FLNC: variants seen among roughly 807,000 people sequenced by gnomAD.
FLNC encodes filamin-C.
Under a neutral mutation model 254.3 loss-of-function variants are expected in FLNC, and 91 were observed. The ratio of observed to expected loss-of-function variants is 0.36; its 90% confidence interval spans 0.30 to 0.43. The LOEUF (loss-of-function observed/expected upper bound fraction) is 0.43, where lower values mean the gene tolerates loss of function less well. Among genes scored for constraint, FLNC ranks in the 20% least tolerant of loss-of-function variants. FLNC has a pLI of 1.00. For missense variants in FLNC, 2,853 were observed against 3,802.6 expected (o/e 0.75, Z 6.57); for synonymous variants, 1,430 against 1,577.2 (o/e 0.91, Z 2.21).
intron 9 of FLNC, 86 bp from the exon 10 acceptor site, chr7:128,840,462 C>T (rs761952755): frequency 3.8e-6 from 6 of 1,595,086 alleles, no homozygotes; most frequent in South Asian, 3.3e-5. Context: ...GGGTCGGGGT[C>T]CCAATGGCTC....
chr7:128,845,186 C>A lies in FLNC; in HGVS notation c.3721C>A (p.Arg1241Ser). 1 of 1,613,964 alleles carries A rather than the reference C, an allele frequency of 6.2e-7. No homozygotes were observed. The highest frequency in any genetic ancestry group is 8.5e-7 in the Non-Finnish European group (1 of 1,180,046). The change falls in exon 21 of 48, where the codon CGT becomes AGT. Residue 1241 changes from arginine to serine, a missense_variant. Physicochemically the swap from Arg to Ser is moderately radical, Grantham distance 110 (BLOSUM62 -1). Coordinates refer to ENST00000325888, the MANE Select transcript of FLNC (RefSeq NM_001458.5). The part of the protein sequence containing the change: ...GGHPVPKFPT[R>S]VHVQPAVDTS... ...GCATCCCGTGCCCAAATTCCCCACCCGTGTCCATGTGCAGCCTGCGGTCGA... is the reference window on the plus strand; with the variant it reads ...GCATCCCGTGCCCAAATTCCCCACCAGTGTCCATGTGCAGCCTGCGGTCGA...
rs1006204795 is a variant in FLNC, at chr7:128,838,303, A to G, written c.1084A>G (p.Ser362Gly). 2 of 1,614,090 alleles carry G rather than the reference A, an allele frequency of 1.2e-6. No individual in the cohort carries two copies. The highest frequency in any genetic ancestry group is 1.7e-6 in the Non-Finnish European group (2 of 1,180,006). ...CTTTGCTGGCCAGAACATTGAACGC[A>G]GTCCCTTTGAGGTGAACGTGGGCAT... The part of the protein sequence containing the change: ...VLFAGQNIER[S>G]PFEVNVGMAL... The change falls in exon 7 of 48, where the codon AGT (serine) becomes GGT (glycine). Residue 362 changes from serine (S) to glycine (G), a missense_variant. Around this residue, in one of 10 missense-constraint regions of FLNC, gnomAD observed 1,573 missense variants for 1,883.5 expected, o/e 0.84. Coordinates refer to ENST00000325888, the MANE Select transcript of FLNC (RefSeq NM_001458.5).
chr7:128,858,984 AC>A lies in FLNC; in HGVS notation c.*462del, dbSNP rs1438646623. The A allele has an allele frequency of 1.1e-5, 2 of 186,876 alleles. No individual in the cohort carries two copies. Among genetic ancestry groups the A allele is most frequent in the Non-Finnish European group, 2.3e-5 (2 of 87,958 alleles). 11.6% of individuals were successfully genotyped at this position (186,876 alleles called of 1,614,324 possible). A position where few individuals can be genotyped will look rare whatever the true frequency, so the allele number is the denominator to read the frequency against. On this transcript the variant is annotated 3_prime_UTR_variant, in exon 48 of 48. Transcript: ENST00000325888. The surrounding 1 kb of genome is among the most constrained non-coding windows in gnomAD (Gnocchi z 6.7). Reference sequence around the variant, plus strand: ...TGGCTACAACCCCAGAGTTTTAAGGACTTGGAAAGGAAAGCACAATCAGAGA... The same window carrying A: ...TGGCTACAACCCCAGAGTTTTAAGGATTGGAAAGGAAAGCACAATCAGAGA...
chr7:128,848,443 C>A, intron 26 of FLNC, 118 bp from the exon 27 acceptor site: 1 of 1,110,268 alleles, frequency 9.0e-7, no homozygotes, highest in Non-Finnish European at 1.4e-6. Flanking sequence ...CTCCTCCCTG[C>A]CCCACAGTCC....
Position 128,843,444 on chromosome 7 carries a change from T to C in FLNC, c.2678T>C (p.Leu893Pro). The change falls in exon 18 of 48, where the codon CTG becomes CCG. Residue 893 changes from leucine (L) to proline (P), a missense_variant. Transcript: ENST00000325888. Reference sequence around the variant, plus strand: ...GGGAAGCCCACCCACTTCACGGTGCTGACCAAGGGAGCCGGCAAGGCCAAG... The same window carrying C: ...GGGAAGCCCACCCACTTCACGGTGCCGACCAAGGGAGCCGGCAAGGCCAAG... ...EVGKPTHFTV[L>P]TKGAGKAKLD... 6.2e-7 allele frequency: 1 copy of C among 1,614,158 alleles called. No homozygotes were observed. Among genetic ancestry groups the C allele is most frequent in the East Asian group, 2.2e-5 (1 of 44,882 alleles).
rs1807840508 is a variant in FLNC, at chr7:128,830,519, T to C, written c.-119T>C. 1.4e-5 allele frequency: 12 copies of C among 848,372 alleles called. No homozygotes were observed. Among genetic ancestry groups the C allele is most frequent in the Admixed American group, 5.0e-5 (2 of 40,186 alleles). The allele number at this position is 848,372 out of a possible 1,614,324, so 52.6% of individuals were successfully genotyped here. A position where few individuals can be genotyped will look rare whatever the true frequency, so the allele number is the denominator to read the frequency against. On this transcript the variant is annotated 5_prime_UTR_variant, in exon 1 of 48. Transcript: ENST00000325888. ...CCCGCCAGCCCCGGCGCGAGAGAAG[T>C]TGGAGAGGAGAGCAGCGCAGCGCAG...
In FLNC at chr7:128,842,930, C is replaced by G. The variant is rs750927692; in HGVS notation, c.2526C>G (p.Thr842=). The G allele has an allele frequency of 1.2e-6, 2 of 1,614,008 alleles. No homozygotes were observed. The highest frequency in any genetic ancestry group is 1.7e-6 in the Non-Finnish European group (2 of 1,180,024). The change falls in exon 16 of 48, where the codon ACC becomes ACG. Residue 842 remains threonine, a synonymous_variant. Transcript: ENST00000325888. The surrounding 1 kb of genome is among the most constrained non-coding windows in gnomAD (Gnocchi z 5.4). The part of the protein sequence containing the change: ...KYTPPGAGRY[T]IMVLFANQEI... ...CGCCACCAGGGGCGGGCCGCTACACCATCATGGTGCTGTTTGCCAACCAGG... is the reference window on the plus strand; with the variant it reads ...CGCCACCAGGGGCGGGCCGCTACACGATCATGGTGCTGTTTGCCAACCAGG...
In FLNC at chr7:128,858,805, C is replaced by A. The variant is rs367991983; in HGVS notation, c.*282C>A. 4.0e-6 allele frequency: 2 copies of A among 504,990 alleles called. No homozygotes were observed. The highest frequency in any genetic ancestry group is 3.6e-6 in the Non-Finnish European group (1 of 276,866). The allele number at this position is 504,990 out of a possible 1,614,324, so 31.3% of individuals were successfully genotyped here. On this transcript the variant is annotated 3_prime_UTR_variant, in exon 48 of 48. Transcript: ENST00000325888. This position sits in a 1 kb window ranked among gnomAD's most constrained non-coding sequence, Gnocchi z 6.7. ...CAGAGGCTGGGACACAAGGGGCTGG[C>A]GAGGGCTGCGAGGCCAGGGAAGCCC...
Position 128,856,282 on chromosome 7 carries a change from G to A in FLNC, c.7252-236G>A, listed in dbSNP as rs1232969946. ...TTCCTCAGCCAGGACAGGGCACATC[G>A]TCTGTCATCTCCCACACACCAAGCA... is the stretch of plus-strand genomic sequence containing the variant. On this transcript the variant is annotated intron_variant, in intron 43 of 47. Transcript: ENST00000325888. This position sits in a 1 kb window ranked among gnomAD's most constrained non-coding sequence, Gnocchi z 5.9. Among the ~76,000 whole-genome samples, 7 of 152,202 alleles carry A rather than the reference G, an allele frequency of 4.6e-5. No homozygotes were observed. Among genetic ancestry groups the A allele is most frequent in the Admixed American group, 3.9e-4 (6 of 15,286 alleles).
chr7:128,843,617 G>T lies in FLNC; in HGVS notation c.2811+40G>T, dbSNP rs554043933. On this transcript the variant is annotated intron_variant, in intron 18 of 47. Transcript: ENST00000325888. ...TCCCATGCTACCGCCCGGCCGGCCC[G>T]CCAGAGCCCTGGGTCTCCCTCCTCC... The T allele has an allele frequency of 1.9e-6, 3 of 1,610,360 alleles. No homozygotes were observed. The African/African-American group carries it at 4.0e-5, about 22-fold the overall frequency.
chr7:128,851,001 A>C, intron 33 of FLNC, 58 bp downstream of exon 33: 1 of 1,589,146 alleles, frequency 6.3e-7, no homozygotes, highest in Non-Finnish European at 8.6e-7. Context: ...CCGTAGCTTC[A>C]GTCCTGCCTT....
At position 128,835,535 on chromosome 7, in the gene FLNC, G is replaced by A; in HGVS notation, c.562G>A (p.Gly188Ser). The stretch of plus-strand genomic sequence containing the variant: ...CAACTTCAACCGTGACTGGCAGGAC[G>A]GCAAAGCTCTGGGCGCCCTGGTGGA... ...ITNFNRDWQD[G>S]KALGALVDNC... The change falls in exon 2 of 48, where the codon GGC becomes AGC. Residue 188 changes from glycine (G) to serine (S), a missense_variant. Transcript: ENST00000325888. The surrounding 1 kb of genome is among the most constrained non-coding windows in gnomAD (Gnocchi z 5.3). 6.2e-7 allele frequency: 1 copy of A among 1,613,568 alleles called. No homozygotes were observed.
chr7:128,837,924 A>G (rs1808165065), intron 5 of FLNC, 63 bp from the exon 6 acceptor site: 1 of 1,483,418 alleles, frequency 6.7e-7, no homozygotes, highest in Non-Finnish European at 9.4e-7. Flanking sequence ...TGCATAAGGC[A>G]CTGTGGGGTC....
rs1808188423 is a variant in FLNC at position 128,838,371 on chromosome 7, C to T, written c.1152C>T (p.Gly384=). The change falls in exon 7 of 48, where the codon GGC becomes GGT. Residue 384 remains glycine, a synonymous_variant. Coordinates refer to ENST00000325888, the MANE Select transcript of FLNC (RefSeq NM_001458.5). ...DANKVSARGP[G]LEPVGNVANK... is the part of the protein sequence containing the mutation. ...ACAAGGTGTCAGCCCGTGGCCCTGG[C>T]CTGGAACCTGTGGGCAATGTGGCCA... 1.9e-6 allele frequency: 3 copies of T among 1,614,068 alleles called. No individual in the cohort carries two copies. The highest frequency in any genetic ancestry group is 1.1e-5 in the South Asian group (1 of 91,078).
intron 7 of FLNC, 58 bp from the exon 8 acceptor site, chr7:128,838,545 G>T (rs1808198940): frequency 6.2e-7 from 1 of 1,607,324 alleles, no homozygotes; most frequent in East Asian, 2.2e-5. Flanking sequence ...CTCAGGGTGA[G>T]GGCACCGGGG....
At position 128,838,652 on chromosome 7, in the gene FLNC, G is replaced by A. The variant is rs759951101; in HGVS notation, c.1260G>A (p.Arg420=). ...TGGTGATCGTGGACCCACAGGGCCG[G>A]CGGGACACAGTGGAGGTGGCCCTGG... The part of the protein sequence containing the change: ...VAVVIVDPQG[R]RDTVEVALED... The change falls in exon 8 of 48, where the codon CGG becomes CGA. Residue 420 remains arginine, a synonymous_variant. Transcript: ENST00000325888. 1.1e-5 allele frequency: 18 copies of A among 1,612,970 alleles called. No individual in the cohort carries two copies. In the Admixed American group the frequency reaches 2.7e-4, roughly 24 times the overall value.
Position 128,830,636 on chromosome 7 carries a change from G to T in FLNC, c.-2G>T, listed in dbSNP as rs776836536. 6.2e-7 allele frequency: 1 copy of T among 1,611,948 alleles called. No homozygotes were observed. The highest frequency in any genetic ancestry group is 8.5e-7 in the Non-Finnish European group (1 of 1,179,496). ...CCGGCCGCACCCCCAGCCCGCGCCAGCATGATGAACAACAGCGGCTACTCA... is the reference window on the plus strand; with the variant it reads ...CCGGCCGCACCCCCAGCCCGCGCCATCATGATGAACAACAGCGGCTACTCA... On this transcript the variant is annotated 5_prime_UTR_variant, in exon 1 of 48. Coordinates refer to ENST00000325888, the MANE Select transcript of FLNC (RefSeq NM_001458.5).
rs1809009738 is a variant in FLNC, at chr7:128,855,290, C to T, written c.7227C>T (p.Arg2409=). Residue 2409 remains arginine (R), a synonymous_variant, in exon 43 of 48, where the codon CGC becomes CGT. Coordinates refer to ENST00000325888, the MANE Select transcript of FLNC (RefSeq NM_001458.5). ...TGGCCTCCCTCTCGGATGACGCTCG[C>T]CGTCTCACTGTCACCAGCCTCCAGG... The part of the protein sequence containing the change: ...VPVASLSDDA[R]RLTVTSLQET... 8.7e-6 allele frequency: 14 copies of T among 1,612,554 alleles called. No homozygotes were observed. Among genetic ancestry groups the T allele is most frequent in the Non-Finnish European group, 1.2e-5 (14 of 1,178,908 alleles).
At position 128,846,070 on chromosome 7, in the gene FLNC, C is replaced by T. The variant is rs753591663; in HGVS notation, c.3871C>T (p.Arg1291Cys). The T allele has an allele frequency of 1.2e-5, 19 of 1,613,954 alleles. No individual in the cohort carries two copies. The highest frequency in any genetic ancestry group is 4.5e-5 in the East Asian group (2 of 44,878). ...TATGGNHVTA[R>C]VLNPSGAKTD... ...CACAGGCGGCAACCACGTGACGGCT[C>T]GTGTGCTCAACCCCTCGGGGGCCAA... Residue 1291 changes from arginine (R) to cysteine (C), a missense_variant, in exon 22 of 48, where the codon CGT becomes TGT. Transcript: ENST00000325888.
Sources: allele counts gnomAD v4.1 joint callset (sites outside exome capture counted in the v4.1 genomes callset), GRCh38; gene constraint gnomAD v4.1.1; regional missense constraint gnomAD v4.1.1; non-coding constraint Gnocchi (gnomAD v3.1); transcripts MANE v1.5; gene names NCBI Gene and HGNC (gene_info 2026-07-23, HGNC 2026-07-21).